BAHCC1: variants seen among roughly 807,000 people sequenced by gnomAD.
BAHCC1 encodes the protein BAH domain and coiled-coil containing 1.
BAHCC1 carries 43 observed loss-of-function variants against 88.2 expected under a neutral mutation model. The observed-to-expected ratio is 0.49, with a 90% CI of 0.38 to 0.63. The LOEUF (loss-of-function observed/expected upper bound fraction) is 0.63. BAHCC1 is among the 20% of genes least tolerant of loss of function. BAHCC1 has a pLI of 0.00. For synonymous variants in BAHCC1, 1,510 were observed against 745.5 expected (o/e 2.03, Z -16.71); for missense variants, 3,023 against 1,654.8 (o/e 1.83, Z -14.34).
intron 2 of BAHCC1, chr17:81,415,497 C>G (rs781877943): frequency 5.9e-6 from 3 of 510,360 alleles, no homozygotes; most frequent in Non-Finnish European, 1.2e-5. Flanking sequence ...AAGCAGTTGG[C>G]TGGGAAATAA....
In BAHCC1 at chr17:81,443,172, C is replaced by T. The variant is rs1555653200; in HGVS notation, c.1823C>T (p.Pro608Leu). 1 of 778,986 alleles carries T rather than the reference C, an allele frequency of 1.3e-6. No homozygotes were observed. The highest frequency in any genetic ancestry group is 1.3e-5 in the South Asian group (1 of 74,582). 48.3% of individuals were successfully genotyped at this position (778,986 alleles called of 1,614,324 possible). A position where few individuals can be genotyped will look rare whatever the true frequency, so the allele number is the denominator to read the frequency against. ...EERKAGAYLD[P>L]FGSGLQQAAL... ...CGCAAGGCTGGCGCCTACCTGGACC[C>T]CTTTGGCAGTGGCCTGCAGCAGGCG... Residue 608 changes from proline (P) to leucine (L), a missense_variant, in exon 5 of 28, where the codon CCC (proline) becomes CTC (leucine). Coordinates refer to ENST00000675386, the MANE Select transcript of BAHCC1 (RefSeq NM_001377448.1).
chr17:81,396,284 T>G (rs2063745432), intron 1 of BAHCC1: 1 of 148,132 alleles, frequency 6.8e-6, no homozygotes, highest in Admixed American at 6.6e-5. Context: ...CAATTCAGAA[T>G]TTTTTTTTTC....
chr17:81,462,139 T>C, intron 26 of BAHCC1, 93 bp downstream of exon 26: 1 of 619,658 alleles, frequency 1.6e-6, no homozygotes, highest in Non-Finnish European at 2.9e-6. Context: ...TCCTTTTTCA[T>C]CTTCCTACTT....
rs1233492711 is a variant in BAHCC1, at chr17:81,399,902, A to G, written c.163A>G (p.Met55Val). ...PGKYFPSPLP[M>V]ASHTASSRLM... ...AAAGTACTTCCCGTCGCCGTTGCCC[A>G]TGGCTTCGCACACAGGTCAGTGCTC... is the stretch of plus-strand genomic sequence containing the variant. The change falls in exon 2 of 28, where the codon ATG (methionine) becomes GTG (valine). Residue 55 changes from methionine to valine, a missense_variant. Transcript: ENST00000675386. The surrounding 1 kb of genome is among the most constrained non-coding windows in gnomAD (Gnocchi z 4.5). 1.1e-5 allele frequency: 16 copies of G among 1,446,738 alleles called. No individual in the cohort carries two copies. The highest frequency in any genetic ancestry group is 8.9e-5 in the African/African-American group (6 of 67,214). 89.6% of individuals were successfully genotyped at this position (1,446,738 alleles called of 1,614,324 possible).
Position 81,444,571 on chromosome 17 carries a change from C to T in BAHCC1, c.2512+3C>T, listed in dbSNP as rs781865088. The T allele has an allele frequency of 6.8e-6, 5 of 732,484 alleles. No individual in the cohort carries two copies. In the Admixed American group the frequency reaches 7.2e-5, roughly 11 times the overall value. The allele number at this position is 732,484 out of a possible 1,614,324, so 45.4% of individuals were successfully genotyped here. ...GTGGATGGGGGGGCACTCCTACGGT[C>T]AGTGATCCAAGGGCGGGGGCTGGCC... On this transcript the variant is annotated splice_donor_region_variant and intron_variant, in intron 7 of 27. Coordinates refer to ENST00000675386, the MANE Select transcript of BAHCC1 (RefSeq NM_001377448.1).
chr17:81,424,261 G>A (rs1168450629), intron 2 of BAHCC1, among the ~76,000 whole-genome samples: 6 of 152,344 alleles, frequency 3.9e-5, no homozygotes, highest in African/African-American at 1.2e-4. Context: ...TGGAGGGGCC[G>A]AGACTGTGGG....
chr17:81,395,841 G>C (rs556156385), intron 1 of BAHCC1: 1 of 150,588 alleles, frequency 6.6e-6, no homozygotes, highest in African/African-American at 2.5e-5. Context: ...GACTATGAGC[G>C]ATTTTTTTTT....
At position 81,461,982 on chromosome 17, in the gene BAHCC1, G is replaced by A. The variant is rs372588731; in HGVS notation, c.7319G>A (p.Arg2440Gln). 24 of 776,854 alleles carry A rather than the reference G, an allele frequency of 3.1e-5. 1 individual carries two copies. The highest frequency in any genetic ancestry group is 8.4e-5 in the African/African-American group (5 of 59,246). 48.1% of individuals were successfully genotyped at this position (776,854 alleles called of 1,614,324 possible). A position where few individuals can be genotyped will look rare whatever the true frequency, so the allele number is the denominator to read the frequency against. The stretch of plus-strand genomic sequence containing the variant: ...CAGCGGCCGCCCTCCGTGGAAAACC[G>A]GCCAAAGATCTCAGCCTTCCTGCCC... ...RRQRPPSVEN[R>Q]PKISAFLPAR... The change falls in exon 26 of 28, where the codon CGG (arginine) becomes CAG (glutamine). Residue 2440 changes from arginine (R) to glutamine (Q), a missense_variant. Coordinates refer to ENST00000675386, the MANE Select transcript of BAHCC1 (RefSeq NM_001377448.1).
chr17:81,407,322 C>G (rs782663837), intron 2 of BAHCC1: 5 of 519,780 alleles, frequency 9.6e-6, no homozygotes, highest in Non-Finnish European at 1.9e-5. Context: ...AAAGAGAAGC[C>G]TTAGCCATAT....
rs781847849 is a variant in BAHCC1 at position 81,465,536 on chromosome 17, TG to T, written c.*1721del. On this transcript the variant is annotated 3_prime_UTR_variant, in exon 28 of 28. Coordinates refer to ENST00000675386, the MANE Select transcript of BAHCC1 (RefSeq NM_001377448.1). ...ATATCCTCCCACACTAAGGTTCCCC[TG>T]GCCCCACGGGAGCTTCAGGAAAGCC... 3.3e-5 allele frequency: 5 copies of T among 152,382 alleles called. No individual in the cohort carries two copies. Among genetic ancestry groups the T allele is most frequent in the Non-Finnish European group, 5.9e-5 (4 of 68,150 alleles). 9.4% of individuals were successfully genotyped at this position (152,382 alleles called of 1,614,324 possible).
Position 81,452,095 on chromosome 17 carries a change from A to G in BAHCC1, c.4304A>G (p.Lys1435Arg), listed in dbSNP as rs2143587344. ...KQRELARLQR[K>R]HDHERDESSR... is the part of the protein sequence containing the mutation. ...CGGGAGCTGGCCCGCCTGCAGCGCA[A>G]GCACGACCATGAGTACGCCTGGCGT... The change falls in exon 13 of 28, where the codon AAG (lysine) becomes AGG (arginine). Residue 1435 changes from lysine (K) to arginine (R), a missense_variant. Lys to Arg is a conservative substitution (Grantham distance 26, BLOSUM62 2). Coordinates refer to ENST00000675386, the MANE Select transcript of BAHCC1 (RefSeq NM_001377448.1). 1.6e-6 allele frequency: 1 copy of G among 635,348 alleles called. No homozygotes were observed. The highest frequency in any genetic ancestry group is 1.9e-5 in the African/African-American group (1 of 53,080). 39.4% of individuals were successfully genotyped at this position (635,348 alleles called of 1,614,324 possible).
intron 17 of BAHCC1, among the ~76,000 whole-genome samples, chr17:81,457,854 A>G (rs1598510373): frequency 7.5e-4 from 5 of 6,632 alleles, no homozygotes; most frequent in Non-Finnish European, 1.1e-3. Context: ...GGGGGAGGGC[A>G]GGGGTTGTTG....
rs142688475 is a variant in BAHCC1 at position 81,433,857 on chromosome 17, C to T, written c.359-4513C>T. ...TGTCAGCCCAGCACTCGGGGCCTGG[C>T]GGTCATCGGGTAGACCCGTGCACTG... On this transcript the variant is annotated intron_variant, in intron 3 of 27. Coordinates refer to ENST00000675386, the MANE Select transcript of BAHCC1 (RefSeq NM_001377448.1). Among the ~76,000 whole-genome samples the T allele has an allele frequency of 2.7e-3, 418 of 152,354 alleles. 1 individual carries two copies. The highest frequency in any genetic ancestry group is 9.5e-3 in the African/African-American group (397 of 41,574).
rs115752249 is a variant in BAHCC1 at position 81,403,196 on chromosome 17, C to T, written c.178+3279C>T. Among the ~76,000 whole-genome samples the T allele has an allele frequency of 3.1e-4, 47 of 152,328 alleles. 1 individual carries two copies. The East Asian group carries it at 7.7e-3, about 25-fold the overall frequency. ...GGAGAGGCCCACATAGACAGCCCCCCGTCCTGGCTTCTGGCTGGGCCCGCT... is the reference window on the plus strand; with the variant it reads ...GGAGAGGCCCACATAGACAGCCCCCTGTCCTGGCTTCTGGCTGGGCCCGCT... On this transcript the variant is annotated intron_variant, in intron 2 of 27. Coordinates refer to ENST00000675386, the MANE Select transcript of BAHCC1 (RefSeq NM_001377448.1).
chr17:81,415,276 G>A (rs1284709171), intron 2 of BAHCC1, among the ~76,000 whole-genome samples: 2 of 152,268 alleles, frequency 1.3e-5, no homozygotes, highest in African/African-American at 4.8e-5. Flanking sequence ...GCAGGGGACA[G>A]GTGTGCTCAG....
chr17:81,426,179 T>TG (rs2064195242), intron 2 of BAHCC1, among the ~76,000 whole-genome samples: 1 of 124,534 alleles, frequency 8.0e-6, no homozygotes, highest in Non-Finnish European at 1.8e-5. Context: ...TAGTGGTGGG[T>TG]AATGTGGTTG....
Position 81,442,414 on chromosome 17 carries a change from G to A in BAHCC1, c.1065G>A (p.Pro355=), listed in dbSNP as rs749601523. 2.1e-4 allele frequency: 145 copies of A among 695,356 alleles called. No individual in the cohort carries two copies. Among genetic ancestry groups the A allele is most frequent in the Middle Eastern group, 3.4e-4 (1 of 2,900 alleles). The allele number at this position is 695,356 out of a possible 1,614,324, so 43.1% of individuals were successfully genotyped here. The change falls in exon 5 of 28, where the codon CCG becomes CCA. Residue 355 remains proline, a synonymous_variant. Coordinates refer to ENST00000675386, the MANE Select transcript of BAHCC1 (RefSeq NM_001377448.1). The part of the protein sequence containing the change: ...HHTASYAGPP[P]PLSTAAGSFP... ...CCGCATCCTACGCCGGGCCACCCCCGCCCCTCAGCACAGCCGCCGGCTCCT... is the reference window on the plus strand; with the variant it reads ...CCGCATCCTACGCCGGGCCACCCCCACCCCTCAGCACAGCCGCCGGCTCCT...
rs78595428 is a variant in BAHCC1 at position 81,418,834 on chromosome 17, G to T, written c.179-7966G>T. ...ACGTGTGTGTGTGTGTGTGTGTGTA[G>T]CCACTCATCCCAGACATGTAGCACA... On this transcript the variant is annotated intron_variant, in intron 2 of 27. Coordinates refer to ENST00000675386, the MANE Select transcript of BAHCC1 (RefSeq NM_001377448.1). Among the ~76,000 whole-genome samples the T allele has an allele frequency of 1.4e-3, 50 of 35,614 alleles. 1 individual carries two copies. In the East Asian group the frequency reaches 0.063, roughly 45 times the overall value. The allele number at this position is 35,614 out of a possible 152,430, so 23.4% of individuals were successfully genotyped here. A position where few individuals can be genotyped will look rare whatever the true frequency, so the allele number is the denominator to read the frequency against.
At chr17:81,401,940 G>A (rs2063822103) in intron 2 of BAHCC1, 1 of 152,322 alleles carries the variant, frequency 6.6e-6, no homozygotes, top group Admixed American at 6.5e-5. Flanking sequence ...TGGGCGCCTG[G>A]TCGGGTGGCC....
Sources: allele counts gnomAD v4.1 joint callset (sites outside exome capture counted in the v4.1 genomes callset), GRCh38; gene constraint gnomAD v4.1.1; non-coding constraint Gnocchi (gnomAD v3.1); transcripts MANE v1.5; gene names NCBI Gene and HGNC (gene_info 2026-07-23, HGNC 2026-07-21).